Variants in SLIT2 observed in about 807,000 individuals in gnomAD.
SLIT2 encodes the protein slit guidance ligand 2.
Under a neutral mutation model 185.7 loss-of-function variants are expected in SLIT2, and 41 were observed. The ratio of observed to expected loss-of-function variants is 0.22; its 90% CI spans 0.17 to 0.29. The LOEUF (loss-of-function observed/expected upper bound fraction) is 0.29, where lower values mean the gene tolerates loss of function less well. Among genes scored for constraint, SLIT2 ranks in the 10% least tolerant of loss-of-function variants. The pLI is 1.00. For synonymous variants in SLIT2, 693 were observed against 680.2 expected (o/e 1.02, Z -0.29); for missense variants, 1,571 against 1,909.0 (o/e 0.82, Z 3.30).
At chr4:20,418,313 G>A (rs61789426) in intron 4 of SLIT2, among the ~76,000 whole-genome samples, 11,523 of 152,206 alleles carry the variant, frequency 0.076, 588 homozygotes, top group South Asian at 0.17. Context: ...GATTCAAAAT[G>A]TATTATAGCA....
intron 9 of SLIT2, among the ~76,000 whole-genome samples, chr4:20,494,872 A>C (rs972778906): frequency 6.6e-6 from 1 of 152,206 alleles, no homozygotes; most frequent in Non-Finnish European, 1.5e-5. Context: ...AGTAATTAAC[A>C]TAATAGAAAA....
At chr4:20,304,385 A>G (rs1717341141) in intron 4 of SLIT2, among the ~76,000 whole-genome samples, 2 of 152,168 alleles carry the variant, frequency 1.3e-5, no homozygotes, top group Non-Finnish European at 2.9e-5. Flanking sequence ...TCAAAGATAC[A>G]TGGTTGTGAA....
At chr4:20,461,459 A>G (rs1214414840) in intron 4 of SLIT2, among the ~76,000 whole-genome samples, 1 of 152,196 alleles carries the variant, frequency 6.6e-6, no homozygotes, top group East Asian at 1.9e-4. Context: ...GTAAACCTTT[A>G]TGACACTTTG....
At chr4:20,264,455 A>G (rs893833185) in intron 3 of SLIT2, among the ~76,000 whole-genome samples, 1 of 151,820 alleles carries the variant, frequency 6.6e-6, no homozygotes. Flanking sequence ...ACAAAATTTT[A>G]CTGGCTTTGG....
intron 5 of SLIT2, among the ~76,000 whole-genome samples, chr4:20,479,386 A>C (rs1418147001): frequency 6.6e-6 from 1 of 152,130 alleles, no homozygotes; most frequent in East Asian, 1.9e-4. Flanking sequence ...ACAGACCTCA[A>C]ATATGAATTA....
chr4:20,269,522 C>T (rs1713386985), intron 4 of SLIT2, among the ~76,000 whole-genome samples: 1 of 151,866 alleles, frequency 6.6e-6, no homozygotes, highest in South Asian at 2.1e-4. Flanking sequence ...TGCTTTTGCA[C>T]TGACCTAATG....
At chr4:20,536,658 G>T (rs959270025) in intron 18 of SLIT2, among the ~76,000 whole-genome samples, 2 of 150,770 alleles carry the variant, frequency 1.3e-5, no homozygotes, top group African/African-American at 4.9e-5. Flanking sequence ...ATAAATTAAG[G>T]TTAGCTTACT....
At chr4:20,353,927 A>G (rs1722090440) in intron 4 of SLIT2, among the ~76,000 whole-genome samples, 1 of 152,210 alleles carries the variant, frequency 6.6e-6, no homozygotes, top group Non-Finnish European at 1.5e-5. Flanking sequence ...CTCATTTAAC[A>G]TTGGAAAGAG....
At chr4:20,444,810 A>G (rs1335144157) in intron 4 of SLIT2, among the ~76,000 whole-genome samples, 2 of 152,114 alleles carry the variant, frequency 1.3e-5, no homozygotes, top group East Asian at 3.8e-4. Flanking sequence ...TTGCAACACC[A>G]TTTAATTGTC....
At chr4:20,477,854 G>C (rs75354360) in intron 5 of SLIT2, among the ~76,000 whole-genome samples, 7 of 151,960 alleles carry the variant, frequency 4.6e-5, no homozygotes, top group African/African-American at 1.5e-4. Flanking sequence ...GAATAATTTC[G>C]TAGCACAATT....
chr4:20,482,838 T>C (rs1279345279), intron 6 of SLIT2, among the ~76,000 whole-genome samples: 1 of 151,910 alleles, frequency 6.6e-6, no homozygotes, highest in African/African-American at 2.4e-5. Flanking sequence ...TAAATGTTTT[T>C]TTTTCAATCC....
chr4:20,389,463 A>G (rs1024284951), intron 4 of SLIT2, among the ~76,000 whole-genome samples: 3 of 151,996 alleles, frequency 2.0e-5, no homozygotes, highest in African/African-American at 7.2e-5. Context: ...AGTGAACACA[A>G]CGTGTGGCAG....
intron 4 of SLIT2, among the ~76,000 whole-genome samples, chr4:20,415,148 G>A (rs1336542692): frequency 2.0e-5 from 3 of 152,024 alleles, no homozygotes; most frequent in South Asian, 2.1e-4. Context: ...GCGGTGGCCC[G>A]CGCCTGTAAT....
In SLIT2 at chr4:20,368,657, G is replaced by T. The variant is rs7436960; in HGVS notation, c.396-99095G>T. Among the ~76,000 whole-genome samples the T allele has an allele frequency of 5.7e-3, 864 of 152,184 alleles. 6 individuals carry two copies. Among genetic ancestry groups the T allele is most frequent in the African/African-American group, 0.02 (817 of 41,538 alleles). On this transcript the variant is annotated intron_variant, in intron 4 of 36. Transcript: ENST00000504154. Reference sequence around the variant, plus strand: ...CATTCTAAGTAATTCTTATAATTTGGACTCTCAGTCTAGTGGTGAGAATTT... The same window carrying T: ...CATTCTAAGTAATTCTTATAATTTGTACTCTCAGTCTAGTGGTGAGAATTT...
At chr4:20,328,449 C>G (rs1719778762) in intron 4 of SLIT2, among the ~76,000 whole-genome samples, 1 of 151,836 alleles carries the variant, frequency 6.6e-6, no homozygotes. Context: ...TACCAAACTC[C>G]TAAAATTTGC....
Position 20,619,709 on chromosome 4 carries a change from A to G in SLIT2, c.*700A>G, listed in dbSNP as rs1033285443. On this transcript the variant is annotated 3_prime_UTR_variant, in exon 37 of 37. Transcript: ENST00000504154. Reference sequence around the variant, plus strand: ...CCAATAGATTATTGATAAATAAATTAGTAATAATATGATTTTTTGTTTCTA... The same window carrying G: ...CCAATAGATTATTGATAAATAAATTGGTAATAATATGATTTTTTGTTTCTA... 2 of 152,158 alleles carry G rather than the reference A, an allele frequency of 1.3e-5. No homozygotes were observed. Among genetic ancestry groups the G allele is most frequent in the Non-Finnish European group, 2.9e-5 (2 of 68,032 alleles). 9.4% of individuals were successfully genotyped at this position (152,158 alleles called of 1,614,324 possible).
intron 6 of SLIT2, among the ~76,000 whole-genome samples, chr4:20,485,735 A>T (rs757554410): frequency 4.6e-5 from 7 of 152,190 alleles, no homozygotes; most frequent in Admixed American, 3.9e-4. Flanking sequence ...TCTGTTCCAA[A>T]GCCTGACACG....
rs140819293 is a variant in SLIT2 at position 20,593,245 on chromosome 4, G to A, written c.3183-2452G>A. 7.1e-3 allele frequency among the ~76,000 whole-genome samples: 1,076 copies of A among 152,212 alleles called. 8 individuals are homozygous for A. Among genetic ancestry groups the A allele is most frequent in the African/African-American group, 0.024 (1,016 of 41,564 alleles). ...TATACTAATTAATTTACAGATGGAT[G>A]CGTTTAATCTTTAAATAAACCTGTG... On this transcript the variant is annotated intron_variant, in intron 30 of 36. Transcript: ENST00000504154.
At chr4:20,256,424 C>G (rs1037409445) in intron 1 of SLIT2, among the ~76,000 whole-genome samples, 4 of 151,914 alleles carry the variant, frequency 2.6e-5, no homozygotes, top group African/African-American at 9.7e-5. Context: ...ACAAAACAAA[C>G]GAAAACTTTT....
Sources: gnomAD v4.1 joint callset for allele counts (sites outside exome capture counted in the v4.1 genomes callset) on GRCh38, gnomAD v4.1.1 for gene constraint, MANE v1.5 for transcripts, NCBI Gene and HGNC (gene_info 2026-07-23, HGNC 2026-07-21) for gene names.